Variants in SUGCT observed in about 807,000 individuals in gnomAD.
The protein encoded by SUGCT is succinyl-CoA:glutarate CoA-transferase.
A neutral mutation model predicts 55.0 loss-of-function variants in SUGCT; 41 were observed. The ratio of observed to expected loss-of-function variants is 0.74; its 90% CI spans 0.58 to 0.97. The LOEUF (loss-of-function observed/expected upper bound fraction) is 0.97, where lower values mean the gene tolerates loss of function less well. SUGCT is among the 50% of genes least tolerant of loss of function. The pLI is 0.00. For synonymous variants in SUGCT, 187 were observed against 200.4 expected (o/e 0.93, Z 0.56); for missense variants, 568 against 547.8 (o/e 1.04, Z -0.37).
chr7:40,253,639 T>C (rs1261458074), intron 7 of SUGCT, among the ~76,000 whole-genome samples: 1 of 152,146 alleles, frequency 6.6e-6, no homozygotes, highest in Non-Finnish European at 1.5e-5. Flanking sequence ...CTGTGCTCAC[T>C]GCAACCTCCG....
intron 12 of SUGCT, among the ~76,000 whole-genome samples, chr7:40,631,676 G>A (rs1344431281): frequency 6.6e-6 from 1 of 152,148 alleles, no homozygotes; most frequent in Admixed American, 6.5e-5. Flanking sequence ...TGTCTCCTGA[G>A]ACATAAGGGC....
chr7:40,888,845 A>AG, the SUGCT span, among the ~76,000 whole-genome samples: 1 of 152,182 alleles, frequency 6.6e-6, no homozygotes, highest in African/African-American at 2.4e-5. Context: ...ATGCATTGGA[A>AG]GGGGACTCAG....
intron 12 of SUGCT, among the ~76,000 whole-genome samples, chr7:40,558,015 C>T (rs1420171696): frequency 1.3e-5 from 2 of 151,638 alleles, no homozygotes; most frequent in African/African-American, 4.8e-5. Flanking sequence ...TGAAAAGATG[C>T]TCCACATTAT....
intron 9 of SUGCT, among the ~76,000 whole-genome samples, chr7:40,427,983 A>G (rs1787676470): frequency 6.6e-6 from 1 of 152,050 alleles, no homozygotes; most frequent in Admixed American, 6.6e-5. Context: ...TGAATGTTCT[A>G]TTCGAGATTG....
chr7:40,880,286 TA>T, the SUGCT span, among the ~76,000 whole-genome samples: 1 of 152,326 alleles, frequency 6.6e-6, no homozygotes, highest in Non-Finnish European at 1.5e-5. Flanking sequence ...GTTATTTATT[TA>T]TTCAGGCAAG....
chr7:40,159,302 T>C (rs959887580), intron 1 of SUGCT, among the ~76,000 whole-genome samples: 1 of 152,014 alleles, frequency 6.6e-6, no homozygotes, highest in Non-Finnish European at 1.5e-5. Flanking sequence ...GTGGCTGGCA[T>C]TGGCGAAAAG....
chr7:40,147,296 T>C (rs1034658702), intron 1 of SUGCT, among the ~76,000 whole-genome samples: 3 of 152,162 alleles, frequency 2.0e-5, no homozygotes. Flanking sequence ...TGGGGATTTC[T>C]TACCTCTTTT....
chr7:40,803,654 CTAT>C (rs1385598905), intron 13 of SUGCT, among the ~76,000 whole-genome samples: 1 of 152,114 alleles, frequency 6.6e-6, no homozygotes, highest in African/African-American at 2.4e-5. Context: ...GACACAACTA[CTAT>C]TAATTTTACC....
At chr7:40,539,858 A>G (rs1051189589) in intron 12 of SUGCT, among the ~76,000 whole-genome samples, 10 of 152,204 alleles carry the variant, frequency 6.6e-5, no homozygotes, top group African/African-American at 2.2e-4. Flanking sequence ...CTATCAAACT[A>G]TGGATATCAG....
intron 12 of SUGCT, among the ~76,000 whole-genome samples, chr7:40,682,391 G>A (rs1404457760): frequency 6.6e-6 from 1 of 152,226 alleles, no homozygotes; most frequent in African/African-American, 2.4e-5. Context: ...GGGGGACCAG[G>A]AATCTTGATT....
chr7:40,883,327 C>T, the SUGCT span, among the ~76,000 whole-genome samples: 1 of 152,148 alleles, frequency 6.6e-6, no homozygotes, highest in Admixed American at 6.6e-5. Flanking sequence ...CCTTCATGTG[C>T]GACCTTGAGA....
intron 9 of SUGCT, among the ~76,000 whole-genome samples, chr7:40,318,159 A>G (rs1795536870): frequency 6.6e-6 from 1 of 152,160 alleles, no homozygotes; most frequent in South Asian, 2.1e-4. Flanking sequence ...TCTGATACCT[A>G]GATTGGGCAG....
intron 12 of SUGCT, among the ~76,000 whole-genome samples, chr7:40,729,315 C>T (rs1177058059): frequency 2.0e-5 from 3 of 152,170 alleles, no homozygotes; most frequent in African/African-American, 7.2e-5. Context: ...TGAGCATGTC[C>T]CCTTTTCTCA....
intron 11 of SUGCT, among the ~76,000 whole-genome samples, chr7:40,475,962 C>T (rs1012904049): frequency 6.6e-6 from 1 of 152,084 alleles, no homozygotes; most frequent in African/African-American, 2.4e-5. Context: ...TTGCTCACCT[C>T]CTCTTTTACT....
chr7:40,295,717 G>A (rs927306011), intron 8 of SUGCT, among the ~76,000 whole-genome samples: 4 of 152,140 alleles, frequency 2.6e-5, no homozygotes, highest in Non-Finnish European at 5.9e-5. Flanking sequence ...CTAAACTTTA[G>A]AATTTAGTTA....
intron 12 of SUGCT, among the ~76,000 whole-genome samples, chr7:40,717,857 AT>A (rs1277834719): frequency 1.3e-5 from 2 of 152,324 alleles, no homozygotes; most frequent in Admixed American, 1.3e-4. Flanking sequence ...ATAGAAAAAA[AT>A]ATTTGGAACT....
At chr7:40,360,843 T>C (rs1014594054) in intron 9 of SUGCT, among the ~76,000 whole-genome samples, 3 of 152,088 alleles carry the variant, frequency 2.0e-5, no homozygotes, top group Non-Finnish European at 2.9e-5. Context: ...TTTAGAAATA[T>C]TAATAAAATT....
chr7:40,529,142 T>A (rs1214313449), intron 12 of SUGCT, among the ~76,000 whole-genome samples: 1 of 152,140 alleles, frequency 6.6e-6, no homozygotes, highest in Non-Finnish European at 1.5e-5. Flanking sequence ...CAGAACAGTG[T>A]TACTTCTCCA....
intron 13 of SUGCT, among the ~76,000 whole-genome samples, chr7:40,847,774 CA>C (rs1216062700): frequency 6.6e-6 from 1 of 151,956 alleles, no homozygotes; most frequent in Non-Finnish European, 1.5e-5. Flanking sequence ...CCCGAAGGGA[CA>C]AGGGTGTGTA....
Sources: gnomAD v4.1 joint callset for allele counts (sites outside exome capture counted in the v4.1 genomes callset) on GRCh38, gnomAD v4.1.1 for gene constraint, MANE v1.5 for transcripts, NCBI Gene and HGNC (gene_info 2026-07-23, HGNC 2026-07-21) for gene names.